The following TCF7L2 variants were observed in gnomAD, a reference collection of about 807,000 sequenced individuals.
TCF7L2 encodes transcription factor 7 like 2, also known as transcription factor 7-like 2.
In TCF7L2, 23 loss-of-function variants were observed where a neutral mutation model predicts 77.9. That is an observed-to-expected ratio of 0.30 (90% CI 0.21 to 0.42). The LOEUF is 0.42. Ranked by LOEUF, TCF7L2 falls within the 10% of genes least tolerant of loss-of-function variation. The pLI is 1.00. For missense variants in TCF7L2, 654 were observed against 793.1 expected, an observed-to-expected ratio of 0.82 and a Z score of 2.11; for synonymous variants, 413 against 340.2, an observed-to-expected ratio of 1.21 and a Z score of -2.36.
intron 5 of TCF7L2, among the ~76,000 whole-genome samples, chr10:113,106,627 T>C (rs1337210372): frequency 6.6e-6 from 1 of 152,214 alleles, no homozygotes; most frequent in Admixed American, 6.5e-5. Context: ...TCATCTCTGC[T>C]AAAGGTTAAC....
At chr10:112,988,357 C>G (rs1407892449) in intron 4 of TCF7L2, among the ~76,000 whole-genome samples, 1 of 152,186 alleles carries the variant, frequency 6.6e-6, no homozygotes, top group Admixed American at 6.5e-5. Context: ...CCTTAGCCTC[C>G]CAAAGTGCTG....
intron 5 of TCF7L2, among the ~76,000 whole-genome samples, chr10:113,077,760 G>A (rs1214286715): frequency 1.3e-5 from 2 of 149,816 alleles, no homozygotes; most frequent in African/African-American, 4.9e-5. Flanking sequence ...GAGTGCAGTG[G>A]CATATCTCGG....
At chr10:112,974,645 A>G (rs1267764752) in intron 4 of TCF7L2, among the ~76,000 whole-genome samples, 1 of 152,106 alleles carries the variant, frequency 6.6e-6, no homozygotes, top group Non-Finnish European at 1.5e-5. Context: ...GGGTTTCACC[A>G]TCTTGACCAG....
chr10:113,110,192 T>C (rs1049773322), intron 5 of TCF7L2, among the ~76,000 whole-genome samples: 1 of 152,194 alleles, frequency 6.6e-6, no homozygotes, highest in African/African-American at 2.4e-5. Flanking sequence ...AAGATGCATT[T>C]TAAAAAATAT....
intron 3 of TCF7L2, among the ~76,000 whole-genome samples, chr10:112,961,756 C>T (rs1009800360): frequency 2.1e-5 from 3 of 140,250 alleles, no homozygotes; most frequent in African/African-American, 7.9e-5. Flanking sequence ...GAATAAGCTG[C>T]TTGTGCTGGG....
chr10:113,165,032 G>A (rs530627374), intron 13 of TCF7L2, among the ~76,000 whole-genome samples: 1 of 151,856 alleles, frequency 6.6e-6, no homozygotes, highest in East Asian at 1.9e-4. Context: ...AAGGAGCTCT[G>A]TCTTTCTCTT....
At chr10:113,088,050 T>C (rs751623799) in intron 5 of TCF7L2, among the ~76,000 whole-genome samples, 3 of 152,204 alleles carry the variant, frequency 2.0e-5, no homozygotes, top group Non-Finnish European at 4.4e-5. Context: ...TTATTCTTAA[T>C]CCTGAACAAA....
intron 4 of TCF7L2, among the ~76,000 whole-genome samples, chr10:113,020,548 T>A (rs939516303): frequency 2.6e-5 from 4 of 152,166 alleles, no homozygotes; most frequent in Non-Finnish European, 5.9e-5. Context: ...GCTGACATGG[T>A]GCAAAGAGCC....
At chr10:113,124,525 C>T (rs1398360033) in intron 5 of TCF7L2, among the ~76,000 whole-genome samples, 1 of 151,982 alleles carries the variant, frequency 6.6e-6, no homozygotes, top group Non-Finnish European at 1.5e-5. Context: ...CCAATGAAGC[C>T]TGCTATTCCT....
At chr10:113,121,057 C>T (rs1451020104) in intron 5 of TCF7L2, among the ~76,000 whole-genome samples, 5 of 152,180 alleles carry the variant, frequency 3.3e-5, no homozygotes, top group African/African-American at 9.7e-5. Flanking sequence ...ACTTCTATCC[C>T]TTCGCAAAAT....
chr10:112,951,327 C>CGCCCCGCGCGCCCCG, intron 2 of TCF7L2, 54 bp downstream of exon 2: 2 of 990,860 alleles, frequency 2.0e-6, no homozygotes, highest in Non-Finnish European at 2.4e-6. Flanking sequence ...CCGGGCCGGC[C>CGCCCCGCGCGCCCCG]GCCCCGCGCG....
At chr10:113,125,879 C>T (rs2065507902) in intron 5 of TCF7L2, 1 of 152,188 alleles carries the variant, frequency 6.6e-6, no homozygotes, top group Non-Finnish European at 1.5e-5. Context: ...AATTTGACAC[C>T]TCTGATGCAG....
intron 5 of TCF7L2, among the ~76,000 whole-genome samples, chr10:113,070,269 T>TTATA (rs34181424): frequency 0.044 from 5,484 of 124,010 alleles, 273 homozygotes; most frequent in East Asian, 0.17. Flanking sequence ...AAAAAAAAAT[T>TTATA]TATATATATA....
At chr10:113,103,958 TCTGA>T (rs1479117942) in intron 5 of TCF7L2, among the ~76,000 whole-genome samples, 7 of 152,230 alleles carry the variant, frequency 4.6e-5, no homozygotes, top group Non-Finnish European at 1.0e-4. Flanking sequence ...AGCACTGTGC[TCTGA>T]CTATCAAAGC....
intron 4 of TCF7L2, among the ~76,000 whole-genome samples, chr10:112,981,182 T>A (rs2040407382): frequency 6.6e-6 from 1 of 152,104 alleles, no homozygotes; most frequent in Non-Finnish European, 1.5e-5. Flanking sequence ...GAGAAATGTC[T>A]CCTCACAGAA....
chr10:113,073,135 A>T lies in TCF7L2; in HGVS notation c.552+33009A>T, dbSNP rs368567257. Among the ~76,000 whole-genome samples, 577 of 65,512 alleles carry T rather than the reference A, an allele frequency of 8.8e-3. 2 individuals carry two copies. The highest frequency in any genetic ancestry group is 0.032 in the African/African-American group (414 of 12,896). 43.0% of individuals were successfully genotyped at this position (65,512 alleles called of 152,430 possible). A position where few individuals can be genotyped will look rare whatever the true frequency, so the allele number is the denominator to read the frequency against. On this transcript the variant is annotated intron_variant, in intron 5 of 13. Coordinates refer to ENST00000627217, the MANE Select transcript of TCF7L2 (RefSeq NM_001146274.2). ...GTGTGTGTGTGTGTGTGTGTGAGAG[A>T]GAGAGAGAGAGAGAGACAGAGAGAG... is the stretch of plus-strand genomic sequence containing the variant.
chr10:113,153,530 G>A (rs945039971), intron 11 of TCF7L2, among the ~76,000 whole-genome samples: 75 of 152,316 alleles, frequency 4.9e-4, no homozygotes, highest in African/African-American at 1.8e-3. Context: ...AGGGGTCGAG[G>A]TCGTTAAATT....
At chr10:113,143,306 T>C (rs2068721693) in intron 6 of TCF7L2, among the ~76,000 whole-genome samples, 1 of 152,196 alleles carries the variant, frequency 6.6e-6, no homozygotes, top group African/African-American at 2.4e-5. Context: ...CAGAATGGAG[T>C]ACACAAGCCT....
rs2134266556 is a variant in TCF7L2, at chr10:113,040,134, A to T, written c.552+8A>T. ...TCACCGGCACACATTGTCGTAAGTA[A>T]CCTCCCAGAGATGATGGCTTCCTTT... On this transcript the variant is annotated splice_region_variant and intron_variant, in intron 5 of 13. Transcript: ENST00000627217. 1 of 1,612,974 alleles carries T rather than the reference A, an allele frequency of 6.2e-7. No homozygotes were observed. Among genetic ancestry groups the T allele is most frequent in the Non-Finnish European group, 8.5e-7 (1 of 1,179,330 alleles).
Sources: allele counts gnomAD v4.1 joint callset (sites outside exome capture counted in the v4.1 genomes callset), GRCh38; gene constraint gnomAD v4.1.1; transcripts MANE v1.5; gene names NCBI Gene and HGNC (gene_info 2026-07-23, HGNC 2026-07-21).